TBX4: variants seen among roughly 807,000 people sequenced by gnomAD.
TBX4 encodes the protein T-box transcription factor TBX4.
TBX4 carries 13 observed loss-of-function variants against 54.6 expected under a neutral mutation model. The observed-to-expected ratio is 0.24, with a 90% CI of 0.15 to 0.38. The LOEUF (loss-of-function observed/expected upper bound fraction) is 0.38, where lower values mean the gene tolerates loss of function less well. Among genes scored for constraint, TBX4 ranks in the 10% least tolerant of loss-of-function variants. The pLI, the probability that TBX4 is intolerant of heterozygous loss-of-function variation, is 1.00. For missense variants in TBX4, 631 were observed against 728.5 expected, an observed-to-expected ratio of 0.87 and a Z score of 1.54; for synonymous variants, 314 against 306.7, an observed-to-expected ratio of 1.02 and a Z score of -0.25.
intron 2 of TBX4, among the ~76,000 whole-genome samples, chr17:61,456,978 G>A (rs1251699148): frequency 1.3e-5 from 2 of 152,198 alleles, no homozygotes; most frequent in Non-Finnish European, 2.9e-5. Context: ...TGGACCAAGT[G>A]TCCAGCTCCA....
chr17:61,467,709 G>T (rs2060546436), intron 5 of TBX4, 52 bp downstream of exon 5: 1 of 1,611,132 alleles, frequency 6.2e-7, no homozygotes, highest in African/African-American at 1.3e-5. Flanking sequence ...GCAGTTTTAG[G>T]GGTGGGACAG....
At position 61,459,450 on chromosome 17, in the gene TBX4, G is replaced by A. The variant is rs1569033618; in HGVS notation, c.281+1819G>A. Reference sequence around the variant, plus strand: ...GTAAGAAAGAGAAAGGTTCAGAACTGCCATTTTTAGGCAGCAGAAATAACC... The same window carrying A: ...GTAAGAAAGAGAAAGGTTCAGAACTACCATTTTTAGGCAGCAGAAATAACC... On this transcript the variant is annotated intron_variant, in intron 3 of 8. Coordinates refer to ENST00000644296, the MANE Select transcript of TBX4 (RefSeq NM_001321120.2). The surrounding 1 kb of genome is among the most constrained non-coding windows in gnomAD (Gnocchi z 4.8). Among the ~76,000 whole-genome samples the A allele has an allele frequency of 6.6e-6, 1 of 152,212 alleles. No individual in the cohort carries two copies. The highest frequency in any genetic ancestry group is 1.9e-4 in the East Asian group (1 of 5,202).
Position 61,457,543 on chromosome 17 carries a change from G to C in TBX4, c.193G>C (p.Glu65Gln), listed in dbSNP as rs1465184491. The C allele has an allele frequency of 1.9e-6, 3 of 1,613,884 alleles. No homozygotes were observed. Among genetic ancestry groups the C allele is most frequent in the Admixed American group, 1.7e-5 (1 of 60,002 alleles). ...CTCTCCCTCCCATCCCCAGACCATCGAGAACATCAAGGTGGGGCTGCATGA... is the reference window on the plus strand; with the variant it reads ...CTCTCCCTCCCATCCCCAGACCATCCAGAACATCAAGGTGGGGCTGCATGA... ...VAAAAAEQTI[E>Q]NIKVGLHEKE... The change falls in exon 3 of 9, where the codon GAG (glutamate) becomes CAG (glutamine). Residue 65 changes from glutamate to glutamine, a missense_variant. Glu to Gln is a conservative substitution (Grantham distance 29). This residue lies in a region of TBX4 where 123 missense variants were observed against 120.9 expected (regional missense o/e 1.02). Coordinates refer to ENST00000644296, the MANE Select transcript of TBX4 (RefSeq NM_001321120.2). The surrounding 1 kb of genome is among the most constrained non-coding windows in gnomAD (Gnocchi z 8.2).
At chr17:61,467,398 C>G in intron 4 of TBX4, 112 bp from the exon 5 acceptor site, 1 of 1,250,220 alleles carries the variant, frequency 8.0e-7, no homozygotes, top group Non-Finnish European at 1.2e-6. Flanking sequence ...TGTGGTGGGA[C>G]CAGCAGCTAT....
rs557754147 is a variant in TBX4, at chr17:61,476,251, G to A, written c.550-2376G>A. ...TAAGTTTCAGAACTGGGCGTTCAGAGCAGGCCCTTGTACCTGAGACTTCCT... is the reference window on the plus strand; with the variant it reads ...TAAGTTTCAGAACTGGGCGTTCAGAACAGGCCCTTGTACCTGAGACTTCCT... On this transcript the variant is annotated intron_variant, in intron 5 of 8. Coordinates refer to ENST00000644296, the MANE Select transcript of TBX4 (RefSeq NM_001321120.2). This position sits in a 1 kb window ranked among gnomAD's most constrained non-coding sequence, Gnocchi z 6.5. 6.6e-6 allele frequency among the ~76,000 whole-genome samples: 1 copy of A among 152,366 alleles called. No homozygotes were observed. The highest frequency in any genetic ancestry group is 2.4e-5 in the African/African-American group (1 of 41,580).
rs1453992081 is a variant in TBX4, at chr17:61,483,682, C to T, written c.*166C>T. Reference sequence around the variant, plus strand: ...CACGAGCATGTATGTATTTGGAGAGCATCCATCTTCTGACATACAACTGAG... The same window carrying T: ...CACGAGCATGTATGTATTTGGAGAGTATCCATCTTCTGACATACAACTGAG... On this transcript the variant is annotated 3_prime_UTR_variant, in exon 9 of 9. Transcript: ENST00000644296. This position sits in a 1 kb window ranked among gnomAD's most constrained non-coding sequence, Gnocchi z 6.6. The T allele has an allele frequency of 3.4e-6, 3 of 874,562 alleles. No individual in the cohort carries two copies. The highest frequency in any genetic ancestry group is 5.3e-6 in the Non-Finnish European group (3 of 561,974). 54.2% of individuals were successfully genotyped at this position (874,562 alleles called of 1,614,324 possible).
rs2060464615 is a variant in TBX4 at position 61,457,821 on chromosome 17, CG to C, written c.281+191del. ...AAAGCCCGCAGGGGGCCACCGCAGC[CG>C]CGCGGGCCTTGCGGGAAAGACCGAG... On this transcript the variant is annotated intron_variant, in intron 3 of 8. Transcript: ENST00000644296. The surrounding 1 kb of genome is among the most constrained non-coding windows in gnomAD (Gnocchi z 8.2). Among the ~76,000 whole-genome samples, 1 of 152,192 alleles carries C rather than the reference CG, an allele frequency of 6.6e-6. No individual in the cohort carries two copies. Among genetic ancestry groups the C allele is most frequent in the Admixed American group, 6.5e-5 (1 of 15,284 alleles).
At position 61,459,210 on chromosome 17, in the gene TBX4, T is replaced by C. The variant is rs1194127598; in HGVS notation, c.281+1579T>C. On this transcript the variant is annotated intron_variant, in intron 3 of 8. Transcript: ENST00000644296. The surrounding 1 kb of genome is among the most constrained non-coding windows in gnomAD (Gnocchi z 4.8). ...AGGTGTCACAGGCCCTGCCTCTTTCTGGCTGAGTGTACTTGGGCAAGTCAC... is the reference window on the plus strand; with the variant it reads ...AGGTGTCACAGGCCCTGCCTCTTTCCGGCTGAGTGTACTTGGGCAAGTCAC... Among the ~76,000 whole-genome samples, 1 of 152,254 alleles carries C rather than the reference T, an allele frequency of 6.6e-6. No individual in the cohort carries two copies. Among genetic ancestry groups the C allele is most frequent in the Non-Finnish European group, 1.5e-5 (1 of 68,042 alleles).
Position 61,460,470 on chromosome 17 carries a change from A to G in TBX4, c.281+2839A>G, listed in dbSNP as rs1216684799. Among the ~76,000 whole-genome samples the G allele has an allele frequency of 6.6e-6, 1 of 152,072 alleles. No individual in the cohort carries two copies. The highest frequency in any genetic ancestry group is 1.5e-5 in the Non-Finnish European group (1 of 67,966). Reference sequence around the variant, plus strand: ...ACTGGATAGTGACTTTGAACTGCCAAACAATTTGGCCTGGTGGATAAAATG... The same window carrying G: ...ACTGGATAGTGACTTTGAACTGCCAGACAATTTGGCCTGGTGGATAAAATG... On this transcript the variant is annotated intron_variant, in intron 3 of 8. Coordinates refer to ENST00000644296, the MANE Select transcript of TBX4 (RefSeq NM_001321120.2). This position sits in a 1 kb window ranked among gnomAD's most constrained non-coding sequence, Gnocchi z 4.4.
At chr17:61,468,269 G>T (rs2060550205) in intron 5 of TBX4, among the ~76,000 whole-genome samples, 1 of 152,248 alleles carries the variant, frequency 6.6e-6, no homozygotes, top group African/African-American at 2.4e-5. Flanking sequence ...CAGGGATGCT[G>T]CTGACGCCCC....
chr17:61,483,406 C>T lies in TBX4; in HGVS notation c.1531C>T (p.Leu511=). The T allele has an allele frequency of 6.2e-7, 1 of 1,613,456 alleles. No individual in the cohort carries two copies. The highest frequency in any genetic ancestry group is 8.5e-7 in the Non-Finnish European group (1 of 1,179,446). Residue 511 remains leucine, a synonymous_variant, in exon 9 of 9, where the codon CTA becomes TTA. Transcript: ENST00000644296. This position sits in a 1 kb window ranked among gnomAD's most constrained non-coding sequence, Gnocchi z 6.6. ...GCERKPPSPH[L]NAANEFLYSQ... is the part of the protein sequence containing the mutation. The stretch of plus-strand genomic sequence containing the variant: ...TGAGAGGAAGCCACCCTCGCCACAT[C>T]TAAATGCTGCCAATGAGTTTCTCTA...
chr17:61,455,466 G>A (rs2060440544), intron 1 of TBX4, among the ~76,000 whole-genome samples: 1 of 152,250 alleles, frequency 6.6e-6, no homozygotes, highest in South Asian at 2.1e-4. Flanking sequence ...TAAGGGATGC[G>A]GGCAGGCTGG....
Position 61,476,597 on chromosome 17 carries a change from C to T in TBX4, c.550-2030C>T, listed in dbSNP as rs1012260670. On this transcript the variant is annotated intron_variant, in intron 5 of 8. Coordinates refer to ENST00000644296, the MANE Select transcript of TBX4 (RefSeq NM_001321120.2). The surrounding 1 kb of genome is among the most constrained non-coding windows in gnomAD (Gnocchi z 6.5). ...TCCTGGAAAGGGACAGACATCGAGG[C>T]CTCTCTGAGCGGGACCTGTGTCCTG... Among the ~76,000 whole-genome samples the T allele has an allele frequency of 6.6e-5, 10 of 152,244 alleles. No individual in the cohort carries two copies. The highest frequency in any genetic ancestry group is 2.4e-4 in the African/African-American group (10 of 41,466).
In TBX4 at chr17:61,480,077, C is replaced by T. The variant is rs967993963; in HGVS notation, c.792-13C>T. ...TCTTCCTGTCTCTCCTCCTGTCCTCCCCACCCCTTCAGCAAAGAATACCCC... is the reference window on the plus strand; with the variant it reads ...TCTTCCTGTCTCTCCTCCTGTCCTCTCCACCCCTTCAGCAAAGAATACCCC... On this transcript the variant is annotated splice_polypyrimidine_tract_variant and intron_variant, in intron 7 of 8. Coordinates refer to ENST00000644296, the MANE Select transcript of TBX4 (RefSeq NM_001321120.2). The surrounding 1 kb of genome is among the most constrained non-coding windows in gnomAD (Gnocchi z 6.2). 6.2e-6 allele frequency: 10 copies of T among 1,613,102 alleles called. No individual in the cohort carries two copies. The highest frequency in any genetic ancestry group is 6.8e-6 in the Non-Finnish European group (8 of 1,179,268).
At position 61,484,950 on chromosome 17, in the gene TBX4, AT is replaced by A. The variant is rs1569048569; in HGVS notation, c.*1435del. 0.011 allele frequency: 1,028 copies of A among 97,080 alleles called. 6 individuals are homozygous for A. Among genetic ancestry groups the A allele is most frequent in the African/African-American group, 0.018 (563 of 30,790 alleles). The allele number at this position is 97,080 out of a possible 1,614,324, so 6.0% of individuals were successfully genotyped here. ...TTAGATAAAACATATAAATAAATATATATATATATATATATATATATAAACA... is the reference window on the plus strand; with the variant it reads ...TTAGATAAAACATATAAATAAATATAATATATATATATATATATATAAACA... On this transcript the variant is annotated 3_prime_UTR_variant, in exon 9 of 9. Coordinates refer to ENST00000644296, the MANE Select transcript of TBX4 (RefSeq NM_001321120.2). This position sits in a 1 kb window ranked among gnomAD's most constrained non-coding sequence, Gnocchi z 4.1.
intron 1 of TBX4, 103 bp from the exon 2 acceptor site, chr17:61,456,385 C>T (rs972113931): frequency 1.4e-6 from 2 of 1,477,402 alleles, no homozygotes; most frequent in Non-Finnish European, 1.8e-6. Context: ...TCCAGGGCTG[C>T]CTCCGCGCCC....
chr17:61,462,780 T>C lies in TBX4; in HGVS notation c.282-3039T>C, dbSNP rs1395087323. 2 of 152,178 alleles carry C rather than the reference T, an allele frequency of 1.3e-5. No individual in the cohort carries two copies. The highest frequency in any genetic ancestry group is 6.5e-5 in the Admixed American group (1 of 15,282). 9.4% of individuals were successfully genotyped at this position (152,178 alleles called of 1,614,324 possible). The stretch of plus-strand genomic sequence containing the variant: ...GGTGTTGGTTTTCAGGTACATTCTA[T>C]GTCATAAATCACAGAAACAATTTAC... On this transcript the variant is annotated intron_variant, in intron 3 of 8. Coordinates refer to ENST00000644296, the MANE Select transcript of TBX4 (RefSeq NM_001321120.2). This position sits in a 1 kb window ranked among gnomAD's most constrained non-coding sequence, Gnocchi z 4.5.
At position 61,478,474 on chromosome 17, in the gene TBX4, T is replaced by C. The variant is rs1309120869; in HGVS notation, c.550-153T>C. On this transcript the variant is annotated intron_variant, in intron 5 of 8. Coordinates refer to ENST00000644296, the MANE Select transcript of TBX4 (RefSeq NM_001321120.2). This position sits in a 1 kb window ranked among gnomAD's most constrained non-coding sequence, Gnocchi z 7.4. ...AGTTTGGGGCCCAGGGGCCTGGTTCTTCACTTGGGAGCTCCAGTCCTGGTC... is the reference window on the plus strand; with the variant it reads ...AGTTTGGGGCCCAGGGGCCTGGTTCCTCACTTGGGAGCTCCAGTCCTGGTC... 3 of 1,031,672 alleles carry C rather than the reference T, an allele frequency of 2.9e-6. No individual in the cohort carries two copies. The highest frequency in any genetic ancestry group is 4.3e-6 in the Non-Finnish European group (3 of 690,516). The allele number at this position is 1,031,672 out of a possible 1,614,324, so 63.9% of individuals were successfully genotyped here.
chr17:61,470,077 C>G (rs2060566135), intron 5 of TBX4, among the ~76,000 whole-genome samples: 1 of 152,178 alleles, frequency 6.6e-6, no homozygotes, highest in Non-Finnish European at 1.5e-5. Flanking sequence ...AACTCCTGCC[C>G]AAAAGGGTGG....
Sources: allele counts gnomAD v4.1 joint callset (sites outside exome capture counted in the v4.1 genomes callset), GRCh38; gene constraint gnomAD v4.1.1; regional missense constraint gnomAD v4.1.1; non-coding constraint Gnocchi (gnomAD v3.1); transcripts MANE v1.5; gene names NCBI Gene and HGNC (gene_info 2026-07-23, HGNC 2026-07-21).